Variants in RALYL observed in about 807,000 individuals in gnomAD.
RALYL encodes RALY RNA binding protein like.
Under a neutral mutation model 35.1 loss-of-function variants are expected in RALYL, and 29 were observed. The observed-to-expected ratio is 0.83, with a 90% CI of 0.61 to 1.13. The LOEUF (loss-of-function observed/expected upper bound fraction) is 1.13. RALYL is among the 50% of genes most tolerant of loss of function. The pLI is 0.00. For synonymous variants in RALYL, 120 were observed against 127.6 expected, an observed-to-expected ratio of 0.94 and a Z score of 0.40; for missense variants, 359 against 360.4, an observed-to-expected ratio of 1.00 and a Z score of 0.03.
At chr8:84,228,768 T>C (rs1236416566) in intron 1 of RALYL, among the ~76,000 whole-genome samples, 3 of 152,168 alleles carry the variant, frequency 2.0e-5, no homozygotes, top group Non-Finnish European at 4.4e-5. Flanking sequence ...CCTACGGTCA[T>C]GGCAGAAGGC....
At chr8:84,693,543 A>G (rs1173065049) in intron 2 of RALYL, among the ~76,000 whole-genome samples, 1 of 151,924 alleles carries the variant, frequency 6.6e-6, no homozygotes, top group Non-Finnish European at 1.5e-5. Context: ...TTTGGTGGGG[A>G]CATAGCCAAA....
chr8:84,265,072 A>T (rs1478397578), intron 1 of RALYL, among the ~76,000 whole-genome samples: 1 of 152,200 alleles, frequency 6.6e-6, no homozygotes, highest in African/African-American at 2.4e-5. Context: ...TGTGCTTGTA[A>T]AGCCTGCCCT....
chr8:84,567,160 T>G (rs1374873430), intron 2 of RALYL, among the ~76,000 whole-genome samples: 1 of 151,800 alleles, frequency 6.6e-6, no homozygotes, highest in Non-Finnish European at 1.5e-5. Context: ...ATATAATATG[T>G]GCAAATGATT....
At chr8:84,702,770 G>C (rs574052320) in intron 2 of RALYL, among the ~76,000 whole-genome samples, 1 of 151,926 alleles carries the variant, frequency 6.6e-6, no homozygotes, top group Non-Finnish European at 1.5e-5. Flanking sequence ...TAAATGAAAG[G>C]TATAGATACA....
chr8:84,738,484 A>G (rs1180684225), intron 2 of RALYL, among the ~76,000 whole-genome samples: 1 of 151,980 alleles, frequency 6.6e-6, no homozygotes, highest in Non-Finnish European at 1.5e-5. Flanking sequence ...TCAAACTTAG[A>G]TTTGCATCAC....
intron 2 of RALYL, among the ~76,000 whole-genome samples, chr8:84,737,781 G>A (rs188429891): frequency 1.1e-3 from 172 of 151,906 alleles, no homozygotes; most frequent in African/African-American, 4.1e-3. Flanking sequence ...AAAAAAAGAG[G>A]CTCCACAGAG....
At chr8:84,318,750 G>C (rs1844250772) in intron 1 of RALYL, among the ~76,000 whole-genome samples, 1 of 152,168 alleles carries the variant, frequency 6.6e-6, no homozygotes, top group Non-Finnish European at 1.5e-5. Flanking sequence ...AAAGAGTTGA[G>C]AGTAGGACAA....
intron 1 of RALYL, among the ~76,000 whole-genome samples, chr8:84,283,771 G>C (rs79434935): frequency 6.6e-6 from 1 of 152,078 alleles, no homozygotes; most frequent in Non-Finnish European, 1.5e-5. Flanking sequence ...TGCAGGAGGG[G>C]CAGTCAGGGT....
At chr8:84,334,800 A>G (rs142979117) in intron 1 of RALYL, among the ~76,000 whole-genome samples, 236 of 152,252 alleles carry the variant, frequency 1.6e-3, no homozygotes, top group African/African-American at 5.3e-3. Context: ...TGCATTATGA[A>G]GAATTATAAA....
chr8:84,883,388 T>C (rs570633562), intron 7 of RALYL, among the ~76,000 whole-genome samples: 81 of 152,140 alleles, frequency 5.3e-4, no homozygotes, highest in African/African-American at 1.9e-3. Context: ...CAAGACTGGG[T>C]AACTTAAAAA....
chr8:84,234,895 G>A (rs1375184131), intron 1 of RALYL, among the ~76,000 whole-genome samples: 1 of 151,800 alleles, frequency 6.6e-6, no homozygotes, highest in Admixed American at 6.6e-5. Flanking sequence ...CTCCCAAACA[G>A]CTGGGACTAC....
intron 8 of RALYL, among the ~76,000 whole-genome samples, chr8:84,902,912 T>G (rs117980538): frequency 1.4e-3 from 220 of 152,244 alleles, no homozygotes; most frequent in Non-Finnish European, 2.4e-3. Flanking sequence ...TATAGGAAGT[T>G]TTAGTAACAT....
chr8:84,320,723 A>G (rs914015029), intron 1 of RALYL, among the ~76,000 whole-genome samples: 3 of 152,044 alleles, frequency 2.0e-5, no homozygotes, highest in Non-Finnish European at 2.9e-5. Context: ...TATTCCCCCA[A>G]TGCCTTTTTG....
chr8:84,310,046 CT>C (rs111327883), intron 1 of RALYL, among the ~76,000 whole-genome samples: 7,114 of 145,970 alleles, frequency 0.049, 265 homozygotes, highest in African/African-American at 0.085. Flanking sequence ...TTTCTTTTTT[CT>C]TTTTTTTTTT....
At chr8:84,555,151 C>T (rs534301664) in intron 2 of RALYL, among the ~76,000 whole-genome samples, 14 of 152,058 alleles carry the variant, frequency 9.2e-5, no homozygotes, top group East Asian at 1.9e-4. Context: ...TGGTGGCACA[C>T]GCCTGTAATC....
chr8:84,570,241 G>T (rs373567235), intron 2 of RALYL, among the ~76,000 whole-genome samples: 23 of 151,670 alleles, frequency 1.5e-4, no homozygotes, highest in East Asian at 1.4e-3. Flanking sequence ...TTATTTGTTT[G>T]TGTCATCTAT....
chr8:84,282,316 G>C (rs80122075), intron 1 of RALYL, among the ~76,000 whole-genome samples: 2,351 of 151,560 alleles, frequency 0.016, 22 homozygotes, highest in Middle Eastern at 0.048. Context: ...ACCAGGTCAG[G>C]GGTCCTTATT....
intron 1 of RALYL, among the ~76,000 whole-genome samples, chr8:84,385,112 G>A (rs1382556321): frequency 6.6e-6 from 1 of 151,782 alleles, no homozygotes; most frequent in Non-Finnish European, 1.5e-5. Flanking sequence ...TTCTAGATGT[G>A]CAGTATATTT....
chr8:84,243,668 C>A (rs995294577), intron 1 of RALYL, among the ~76,000 whole-genome samples: 3 of 152,084 alleles, frequency 2.0e-5, no homozygotes, highest in Middle Eastern at 3.2e-3. Flanking sequence ...CACTTTCCCA[C>A]CCTCCATATG....
Sources: gnomAD v4.1 joint callset for allele counts (sites outside exome capture counted in the v4.1 genomes callset) on GRCh38, gnomAD v4.1.1 for gene constraint, MANE v1.5 for transcripts, NCBI Gene and HGNC (gene_info 2026-07-23, HGNC 2026-07-21) for gene names.